Variants in DIAPH2 observed in about 807,000 individuals in gnomAD.
DIAPH2 encodes the protein diaphanous related formin 2.
In DIAPH2, 35 loss-of-function variants were observed where a neutral mutation model predicts 92.7. That is an observed-to-expected ratio of 0.38 (90% CI 0.29 to 0.50). The LOEUF (loss-of-function observed/expected upper bound fraction) is 0.50. Ranked by LOEUF, DIAPH2 falls within the 20% of genes least tolerant of loss-of-function variation. The probability of loss-of-function intolerance (pLI) is 0.94; values close to 1 mark genes in which losing one functional copy is unlikely to be tolerated. For missense variants in DIAPH2, 701 were observed against 819.5 expected (o/e 0.86, Z 1.77); for synonymous variants, 301 against 280.4 (o/e 1.07, Z -0.73).
intron 25 of DIAPH2, among the ~76,000 whole-genome samples, chrX:97,406,629 G>T (rs1037213408): frequency 1.8e-5 from 2 of 111,715 alleles, no homozygotes; most frequent in African/African-American, 6.5e-5. Context: ...CCTTTTAAAG[G>T]ATGGGGATAA....
intron 3 of DIAPH2, among the ~76,000 whole-genome samples, chrX:96,753,005 C>T (rs921337664): frequency 1.8e-5 from 2 of 111,544 alleles, no homozygotes; most frequent in Non-Finnish European, 3.8e-5. Flanking sequence ...GTGATATCAG[C>T]AGTGTGTGCC....
At chrX:97,275,802 C>T (rs1411341397) in intron 23 of DIAPH2, among the ~76,000 whole-genome samples, 1 of 111,094 alleles carries the variant, frequency 9.0e-6, no homozygotes, top group Non-Finnish European at 1.9e-5. Flanking sequence ...GACTGGGCAG[C>T]CGGGCAGAGG....
chrX:96,718,336 G>GTT (rs962776012), intron 1 of DIAPH2, among the ~76,000 whole-genome samples: 1 of 10,993 alleles, frequency 9.1e-5, no homozygotes, highest in Non-Finnish European at 1.4e-4. Flanking sequence ...CATTTTCTTT[G>GTT]TTTTTTTTTT....
intron 26 of DIAPH2, among the ~76,000 whole-genome samples, chrX:97,515,762 C>G (rs12839477): frequency 0.05 from 5,465 of 110,140 alleles, 150 homozygotes; most frequent in Middle Eastern, 0.075. Context: ...GTTTTATGGC[C>G]TGCTTCAAGA....
intron 22 of DIAPH2, among the ~76,000 whole-genome samples, chrX:97,235,540 G>A (rs2068041072): frequency 9.4e-6 from 1 of 106,304 alleles, no homozygotes; most frequent in African/African-American, 3.5e-5. Context: ...GGAGGCAGAG[G>A]TTGTGGTGAG....
At chrX:97,502,973 T>C (rs991717001) in intron 26 of DIAPH2, among the ~76,000 whole-genome samples, 1 of 112,151 alleles carries the variant, frequency 8.9e-6, no homozygotes, top group African/African-American at 3.2e-5. Flanking sequence ...TCCCATTATG[T>C]GTACCATTTT....
chrX:96,686,780 G>GT (rs2063773366), intron 1 of DIAPH2, among the ~76,000 whole-genome samples: 1 of 112,162 alleles, frequency 8.9e-6, no homozygotes, highest in Non-Finnish European at 1.9e-5. Flanking sequence ...TGACCAAACA[G>GT]TAAGATTTAG....
chrX:96,903,449 G>A (rs1768364230), intron 5 of DIAPH2, among the ~76,000 whole-genome samples: 1 of 111,560 alleles, frequency 9.0e-6, no homozygotes, highest in South Asian at 3.7e-4. Flanking sequence ...CTTATCTTAG[G>A]AAAATAAACC....
intron 26 of DIAPH2, among the ~76,000 whole-genome samples, chrX:97,548,065 G>T: frequency 8.9e-6 from 1 of 111,887 alleles, no homozygotes; most frequent in East Asian, 2.8e-4. Context: ...ATGCTCATGT[G>T]ACCACTGGGA....
rs1329638839 is a variant in DIAPH2, at chrX:97,599,705, T to C, written c.*388T>C. On this transcript the variant is annotated 3_prime_UTR_variant, in exon 27 of 27. Coordinates refer to ENST00000324765, the MANE Select transcript of DIAPH2 (RefSeq NM_006729.5). ...CAAAAACAAAAGAGAAGAAAAAGAA[T>C]AGAAAGAATTATCCAGTGTCAGCTT... 1 of 125,004 alleles carries C rather than the reference T, an allele frequency of 8.0e-6. No homozygotes were observed. The highest frequency in any genetic ancestry group is 1.6e-5 in the Non-Finnish European group (1 of 62,011). 10.3% of individuals were successfully genotyped at this position (125,004 alleles called of 1,213,427 possible).
chrX:97,170,279 G>A, intron 22 of DIAPH2, among the ~76,000 whole-genome samples: 1 of 107,329 alleles, frequency 9.3e-6, no homozygotes, highest in South Asian at 3.9e-4. Flanking sequence ...GATAGAAAAG[G>A]GAAGGGGCCT....
At chrX:97,327,249 C>A in intron 23 of DIAPH2, among the ~76,000 whole-genome samples, 1 of 109,359 alleles carries the variant, frequency 9.1e-6, no homozygotes, top group Non-Finnish European at 1.9e-5. Flanking sequence ...CAGGTGCCTG[C>A]CACCCCGCCC....
chrX:97,397,766 G>T (rs1651873970), intron 25 of DIAPH2, among the ~76,000 whole-genome samples: 1 of 111,465 alleles, frequency 9.0e-6, no homozygotes, highest in African/African-American at 3.3e-5. Flanking sequence ...ATTTCCTGTT[G>T]ATCTCACCAA....
Position 97,227,932 on chromosome X carries a change from GCT to G in DIAPH2, c.2720-19780_2720-19779del, listed in dbSNP as rs767842947. On this transcript the variant is annotated intron_variant, in intron 22 of 26. Coordinates refer to ENST00000324765, the MANE Select transcript of DIAPH2 (RefSeq NM_006729.5). Reference sequence around the variant, plus strand: ...TTCAATATTTTTGAGACAGGATCTTGCTCTGTCACCCAGGTTGGAGTGCAGTG... The same window carrying G: ...TTCAATATTTTTGAGACAGGATCTTGCTGTCACCCAGGTTGGAGTGCAGTG... 1.3e-3 allele frequency among the ~76,000 whole-genome samples: 143 copies of G among 111,265 alleles called. 1 individual carries two copies. The highest frequency in any genetic ancestry group is 4.5e-3 in the African/African-American group (138 of 30,630).
chrX:97,338,200 T>A, intron 23 of DIAPH2, among the ~76,000 whole-genome samples: 1 of 111,347 alleles, frequency 9.0e-6, no homozygotes, highest in Non-Finnish European at 1.9e-5. Context: ...AGAATTTTTT[T>A]AGTCTATATC....
At chrX:96,828,430 A>G (rs1228094216) in intron 4 of DIAPH2, among the ~76,000 whole-genome samples, 1 of 112,084 alleles carries the variant, frequency 8.9e-6, no homozygotes, top group Non-Finnish European at 1.9e-5. Flanking sequence ...GCCTAGTGTG[A>G]TGTTATTTGT....
intron 22 of DIAPH2, among the ~76,000 whole-genome samples, chrX:97,241,890 C>T (rs1231954740): frequency 2.8e-5 from 3 of 105,726 alleles, no homozygotes; most frequent in Non-Finnish European, 3.9e-5. Flanking sequence ...ATTCTCCTGC[C>T]TCAGCCTCCT....
At chrX:97,241,360 C>A (rs1028883051) in intron 22 of DIAPH2, among the ~76,000 whole-genome samples, 2 of 109,004 alleles carry the variant, frequency 1.8e-5, no homozygotes, top group African/African-American at 6.7e-5. Context: ...TGCAGTGGTG[C>A]GATCTTAGCT....
intron 17 of DIAPH2, among the ~76,000 whole-genome samples, chrX:96,965,807 G>C (rs1217789588): frequency 9.0e-6 from 1 of 111,680 alleles, no homozygotes; most frequent in African/African-American, 3.2e-5. Flanking sequence ...TTTCACAGAT[G>C]ATTTTGTTAC....
Sources: gnomAD v4.1 joint callset for allele counts (sites outside exome capture counted in the v4.1 genomes callset) on GRCh38, gnomAD v4.1.1 for gene constraint, MANE v1.5 for transcripts, NCBI Gene and HGNC (gene_info 2026-07-23, HGNC 2026-07-21) for gene names.